Variants in ATP2B2 observed in about 807,000 individuals in gnomAD.
ATP2B2 encodes the protein plasma membrane calcium-transporting ATPase 2.
A neutral mutation model predicts 120.0 loss-of-function variants in ATP2B2; 15 were observed. That is an observed-to-expected ratio of 0.12 (90% CI 0.08 to 0.19). The LOEUF is 0.19. ATP2B2 is among the 10% of genes least tolerant of loss of function. The probability of loss-of-function intolerance (pLI) is 1.00; values close to 1 mark genes in which losing one functional copy is unlikely to be tolerated. For synonymous variants in ATP2B2, 694 were observed against 700.3 expected, an observed-to-expected ratio of 0.99 and a Z score of 0.14; for missense variants, 1,045 against 1,719.8, an observed-to-expected ratio of 0.61 and a Z score of 6.94.
At position 10,472,454 on chromosome 3, in the gene ATP2B2, C is replaced by T. The variant is rs960466367; in HGVS notation, c.-319-22592G>A. ...GGCAGGGCAAGGACTGTTCCAAGGTCGCAGGAACCTGGCCTGAAATGGCAT... is the reference window on the plus strand; with the variant it reads ...GGCAGGGCAAGGACTGTTCCAAGGTTGCAGGAACCTGGCCTGAAATGGCAT... On this transcript the variant is annotated intron_variant, in intron 1 of 22. Coordinates refer to ENST00000360273, the MANE Select transcript of ATP2B2 (RefSeq NM_001001331.4). 2.6e-5 allele frequency among the ~76,000 whole-genome samples: 4 copies of T among 152,180 alleles called. No homozygotes were observed. In the East Asian group the frequency reaches 5.8e-4, roughly 22 times the overall value.
chr3:10,422,697 T>C (rs1243320049), intron 2 of ATP2B2, among the ~76,000 whole-genome samples: 1 of 152,246 alleles, frequency 6.6e-6, no homozygotes, highest in African/African-American at 2.4e-5. Context: ...GATTTGAATG[T>C]GCATAGTGCA....
chr3:10,622,322 G>A (rs543828388), intron 1 of ATP2B2, among the ~76,000 whole-genome samples: 45 of 152,236 alleles, frequency 3.0e-4, no homozygotes, highest in African/African-American at 9.9e-4. Flanking sequence ...TGGAAGAAAG[G>A]AGACCCCAGC....
Position 10,347,999 on chromosome 3 carries a change from C to T in ATP2B2, c.2405-1862G>A, listed in dbSNP as rs562065451. ...CCACTCCCCACTGACCATCCTCCTGCCCCTCTAGCCTCCTCCCCTTGGCCT... is the reference window on the plus strand; with the variant it reads ...CCACTCCCCACTGACCATCCTCCTGTCCCTCTAGCCTCCTCCCCTTGGCCT... On this transcript the variant is annotated intron_variant, in intron 16 of 22. Coordinates refer to ENST00000360273, the MANE Select transcript of ATP2B2 (RefSeq NM_001001331.4). The surrounding 1 kb of genome is among the most constrained non-coding windows in gnomAD (Gnocchi z 5.2). Among the ~76,000 whole-genome samples, 1 of 152,226 alleles carries T rather than the reference C, an allele frequency of 6.6e-6. No individual in the cohort carries two copies. The highest frequency in any genetic ancestry group is 1.9e-4 in the East Asian group (1 of 5,170).
chr3:10,679,480 A>C (rs1019472812), intron 1 of ATP2B2, among the ~76,000 whole-genome samples: 4 of 152,030 alleles, frequency 2.6e-5, no homozygotes, highest in Non-Finnish European at 4.4e-5. Flanking sequence ...CATCACACCC[A>C]CCATCCCAGT....
chr3:10,386,388 G>T, intron 7 of ATP2B2, 92 bp downstream of exon 7: 1 of 1,432,496 alleles, frequency 7.0e-7, no homozygotes, highest in Non-Finnish European at 9.8e-7. Flanking sequence ...GCCTCCTCCA[G>T]CTGTGTGCTG....
rs1448337951 is a variant in ATP2B2 at position 10,340,478 on chromosome 3, T to TG, written c.3129+14dup. On this transcript the variant is annotated intron_variant, in intron 20 of 22. Coordinates refer to ENST00000360273, the MANE Select transcript of ATP2B2 (RefSeq NM_001001331.4). The surrounding 1 kb of genome is among the most constrained non-coding windows in gnomAD (Gnocchi z 5.0). ...CTGCCCACCCCGGGCCTGGTTAGGG[T>TG]GGGGGCCTCACTACCTGGATGGCAA... 1 of 1,613,890 alleles carries TG rather than the reference T, an allele frequency of 6.2e-7. No homozygotes were observed. Among genetic ancestry groups the TG allele is most frequent in the Admixed American group, 1.7e-5 (1 of 60,008 alleles).
chr3:10,362,076 C>T (rs1285210093), intron 12 of ATP2B2, among the ~76,000 whole-genome samples: 2 of 152,212 alleles, frequency 1.3e-5, no homozygotes, highest in Non-Finnish European at 2.9e-5. Flanking sequence ...GTGGAGCTGG[C>T]TTCAGGGGTG....
intron 2 of ATP2B2, among the ~76,000 whole-genome samples, chr3:10,571,464 G>A (rs575348453): frequency 5.9e-5 from 9 of 152,342 alleles, no homozygotes; most frequent in African/African-American, 2.2e-4. Context: ...AGGAGGGGCC[G>A]CTGAACTGGC....
Position 10,347,038 on chromosome 3 carries a change from G to C in ATP2B2, c.2405-901C>G, listed in dbSNP as rs953637364. 6.6e-6 allele frequency among the ~76,000 whole-genome samples: 1 copy of C among 152,054 alleles called. No homozygotes were observed. The highest frequency in any genetic ancestry group is 1.5e-5 in the Non-Finnish European group (1 of 68,022). On this transcript the variant is annotated intron_variant, in intron 16 of 22. Coordinates refer to ENST00000360273, the MANE Select transcript of ATP2B2 (RefSeq NM_001001331.4). This position sits in a 1 kb window ranked among gnomAD's most constrained non-coding sequence, Gnocchi z 5.2. The stretch of plus-strand genomic sequence containing the variant: ...ACCTCAGGATCTCTCTAACACCCAT[G>C]TCTGAACCAGTTCCGTCCCCCAGCC...
At chr3:10,495,888 C>T (rs1291171666) in intron 1 of ATP2B2, among the ~76,000 whole-genome samples, 1 of 152,226 alleles carries the variant, frequency 6.6e-6, no homozygotes, top group Non-Finnish European at 1.5e-5. Flanking sequence ...AGGGCACCCG[C>T]AGTCGTATAC....
intron 1 of ATP2B2, among the ~76,000 whole-genome samples, chr3:10,454,322 T>G (rs1410348428): frequency 6.6e-6 from 1 of 152,218 alleles, no homozygotes; most frequent in Non-Finnish European, 1.5e-5. Flanking sequence ...GGATTTTTTT[T>G]TCTTCAGGTA....
chr3:10,479,492 G>C (rs148900399), intron 1 of ATP2B2, among the ~76,000 whole-genome samples: 1 of 151,746 alleles, frequency 6.6e-6, no homozygotes, highest in Non-Finnish European at 1.5e-5. Context: ...CACTCATCCT[G>C]GTTGTATTTT....
intron 3 of ATP2B2, among the ~76,000 whole-genome samples, chr3:10,521,456 C>A (rs568613554): frequency 6.6e-6 from 1 of 152,300 alleles, no homozygotes; most frequent in Admixed American, 6.5e-5. Context: ...TGGATAATGT[C>A]GGTGATTATG....
At chr3:10,606,947 AGAG>A (rs2069098058) in intron 2 of ATP2B2, among the ~76,000 whole-genome samples, 1 of 71,048 alleles carries the variant, frequency 1.4e-5, no homozygotes, top group African/African-American at 9.8e-5. Flanking sequence ...AGGGAGAGGG[AGAG>A]GGGGAGGGGG....
chr3:10,588,740 C>T (rs928578419), intron 2 of ATP2B2, among the ~76,000 whole-genome samples: 1 of 152,118 alleles, frequency 6.6e-6, no homozygotes, highest in Non-Finnish European at 1.5e-5. Context: ...GGAGTCTCTA[C>T]CACAATCTTA....
intron 22 of ATP2B2, chr3:10,331,991 A>C: frequency 6.5e-7 from 1 of 1,550,268 alleles, no homozygotes; most frequent in South Asian, 1.2e-5. Context: ...ACCTCTTTTA[A>C]TTTCACTCTC....
At chr3:10,332,481 C>T (rs976186887) in intron 22 of ATP2B2, among the ~76,000 whole-genome samples, 1 of 152,192 alleles carries the variant, frequency 6.6e-6, no homozygotes, top group Non-Finnish European at 1.5e-5. Context: ...TGCCTTGGAT[C>T]GAAGTGTGGG....
intron 1 of ATP2B2, among the ~76,000 whole-genome samples, chr3:10,625,342 G>C (rs1478402863): frequency 6.6e-6 from 1 of 152,300 alleles, no homozygotes; most frequent in Non-Finnish European, 1.5e-5. Flanking sequence ...CCTGGGTCAA[G>C]AGTGAGAAGG....
At chr3:10,679,952 A>T (rs986338692) in intron 1 of ATP2B2, among the ~76,000 whole-genome samples, 1 of 152,126 alleles carries the variant, frequency 6.6e-6, no homozygotes, top group Non-Finnish European at 1.5e-5. Flanking sequence ...GGTGGTCGGT[A>T]TATGGTTCGA....
Sources: gnomAD v4.1 joint callset for allele counts (sites outside exome capture counted in the v4.1 genomes callset) on GRCh38, gnomAD v4.1.1 for gene constraint, Gnocchi (gnomAD v3.1) non-coding constraint, MANE v1.5 for transcripts, NCBI Gene and HGNC (gene_info 2026-07-23, HGNC 2026-07-21) for gene names.